Variants in MED12L observed in about 807,000 individuals in gnomAD.
MED12L encodes the protein mediator of RNA polymerase II transcription subunit 12-like protein.
MED12L carries 60 observed loss-of-function variants against 281.3 expected under a neutral mutation model. That is an observed-to-expected ratio of 0.21 (90% confidence interval 0.17 to 0.26). The LOEUF is 0.26. Ranked by LOEUF, MED12L falls within the 10% of genes least tolerant of loss-of-function variation. MED12L has a pLI of 1.00. For missense variants in MED12L, 2,146 were observed against 2,680.9 expected (o/e 0.80, Z 4.41); for synonymous variants, 974 against 987.2 (o/e 0.99, Z 0.25).
intron 16 of MED12L, chr3:151,316,544 A>G (rs1748269103): frequency 6.6e-6 from 1 of 152,218 alleles, no homozygotes; most frequent in African/African-American, 2.4e-5. Context: ...GCTGTGTCTT[A>G]TCAACCACGG....
At position 151,222,165 on chromosome 3, in the gene MED12L, A is replaced by G. The variant is rs190425144; in HGVS notation, c.2250+28499A>G. 1.3e-4 allele frequency among the ~76,000 whole-genome samples: 20 copies of G among 152,296 alleles called. No individual in the cohort carries two copies. The East Asian group carries it at 3.3e-3, about 25-fold the overall frequency. ...CATTTGGAATGACTGCATTTACCCA[A>G]TGCCTGTACTGCATTGTATCTAGGA... On this transcript the variant is annotated intron_variant, in intron 16 of 44. Transcript: ENST00000687756.
intron 16 of MED12L, among the ~76,000 whole-genome samples, chr3:151,323,017 G>T (rs527854917): frequency 3.3e-5 from 5 of 152,282 alleles, no homozygotes; most frequent in African/African-American, 9.6e-5. Context: ...CTTCTGTGAT[G>T]ATGACCTAGC....
chr3:151,190,032 C>T (rs138755081), intron 13 of MED12L, among the ~76,000 whole-genome samples: 4 of 152,210 alleles, frequency 2.6e-5, no homozygotes, highest in African/African-American at 9.6e-5. Flanking sequence ...ATTGCACAGA[C>T]CCACTCAAGC....
intron 42 of MED12L, among the ~76,000 whole-genome samples, chr3:151,415,223 T>G (rs1167117917): frequency 6.6e-6 from 1 of 152,222 alleles, no homozygotes; most frequent in East Asian, 1.9e-4. Context: ...TTCTGGTAAT[T>G]TTTTCATCAT....
At chr3:151,149,521 A>C (rs1718178158) in intron 5 of MED12L, among the ~76,000 whole-genome samples, 1 of 152,120 alleles carries the variant, frequency 6.6e-6, no homozygotes, top group South Asian at 2.1e-4. Context: ...TGGCTAGCAG[A>C]AGGTCTTGCC....
At position 151,188,610 on chromosome 3, in the gene MED12L, C is replaced by A. The variant is rs553839186; in HGVS notation, c.1753+130C>A. On this transcript the variant is annotated intron_variant, in intron 13 of 44. Coordinates refer to ENST00000687756, the MANE Select transcript of MED12L (RefSeq NM_001393769.1). The stretch of plus-strand genomic sequence containing the variant: ...TGAATATAATGTATGTTTTACTGAG[C>A]AAAATTTTGTGGCATGTTTTTTCAT... 2,224 of 876,456 alleles carry A rather than the reference C, an allele frequency of 2.5e-3. 9 individuals carry two copies. The highest frequency in any genetic ancestry group is 7.2e-3 in the South Asian group (273 of 37,748). 54.3% of individuals were successfully genotyped at this position (876,456 alleles called of 1,614,324 possible). A position where few individuals can be genotyped will look rare whatever the true frequency, so the allele number is the denominator to read the frequency against.
chr3:151,274,886 A>G (rs891762909), intron 16 of MED12L, among the ~76,000 whole-genome samples: 1 of 152,180 alleles, frequency 6.6e-6, no homozygotes, highest in East Asian at 1.9e-4. Context: ...CCTCATTGTA[A>G]GGAATCAGTG....
intron 27 of MED12L, among the ~76,000 whole-genome samples, chr3:151,374,992 G>A (rs1040900595): frequency 2.6e-5 from 4 of 152,070 alleles, no homozygotes; most frequent in African/African-American, 4.8e-5. Context: ...GTGTCATACC[G>A]ACTGGGTCAT....
chr3:151,204,021 G>C (rs1726020332), intron 16 of MED12L, among the ~76,000 whole-genome samples: 1 of 152,194 alleles, frequency 6.6e-6, no homozygotes, highest in Non-Finnish European at 1.5e-5. Context: ...TGTTCATTGT[G>C]TCTGTGGCAG....
At chr3:151,156,995 T>G (rs1363950207) in intron 6 of MED12L, among the ~76,000 whole-genome samples, 1 of 152,238 alleles carries the variant, frequency 6.6e-6, no homozygotes, top group Admixed American at 6.5e-5. Flanking sequence ...ATAATTTTCA[T>G]GCTCCTCTTC....
chr3:151,128,276 T>C (rs1714838725), intron 5 of MED12L, among the ~76,000 whole-genome samples: 1 of 152,242 alleles, frequency 6.6e-6, no homozygotes, highest in African/African-American at 2.4e-5. Flanking sequence ...CTTAACTGGT[T>C]GGAGTCACAG....
chr3:151,393,239 G>T (rs1174373458), intron 38 of MED12L, among the ~76,000 whole-genome samples: 3 of 152,200 alleles, frequency 2.0e-5, no homozygotes, highest in African/African-American at 7.2e-5. Context: ...AAAGGGGAAA[G>T]AGTAGGCAGT....
At chr3:151,091,967 C>G (rs1199806092) in intron 2 of MED12L, among the ~76,000 whole-genome samples, 1 of 151,824 alleles carries the variant, frequency 6.6e-6, no homozygotes, top group Non-Finnish European at 1.5e-5. Context: ...ACAGGCAGCA[C>G]TCAACACAGG....
intron 36 of MED12L, among the ~76,000 whole-genome samples, chr3:151,386,737 G>T (rs972017148): frequency 6.6e-6 from 1 of 152,002 alleles, no homozygotes; most frequent in Non-Finnish European, 1.5e-5. Context: ...CATCATGCCT[G>T]GCTAATTTTT....
At chr3:151,250,163 T>C (rs1205660407) in intron 16 of MED12L, among the ~76,000 whole-genome samples, 1 of 152,196 alleles carries the variant, frequency 6.6e-6, no homozygotes, top group Non-Finnish European at 1.5e-5. Context: ...CCACTCTGCC[T>C]TCTGTCCTCA....
intron 16 of MED12L, among the ~76,000 whole-genome samples, chr3:151,342,223 A>T (rs990984668): frequency 7.9e-5 from 12 of 152,140 alleles, no homozygotes; most frequent in African/African-American, 2.9e-4. Flanking sequence ...ATTTCTCCAC[A>T]TCCTCTCCAA....
chr3:151,340,362 A>G (rs1751656944), intron 16 of MED12L, among the ~76,000 whole-genome samples: 1 of 152,194 alleles, frequency 6.6e-6, no homozygotes, highest in Non-Finnish European at 1.5e-5. Context: ...AACTAAGACC[A>G]TTTATATTTT....
chr3:151,295,584 A>G (rs34152392), intron 16 of MED12L, among the ~76,000 whole-genome samples: 1 of 152,238 alleles, frequency 6.6e-6, no homozygotes, highest in Non-Finnish European at 1.5e-5. Flanking sequence ...ACAAGAAAAT[A>G]CAATAGCCAA....
In MED12L at chr3:151,185,429, C is replaced by T. The variant is rs1723142021; in HGVS notation, c.1594C>T (p.Leu532=). ...CAGGGCCATGGCTGTGGCAAAACTC[C>T]TGGAGAAGAGGCAAGCAGAAATTGA... ...KHRAMAVAKL[L]EKRQAEIEAE... is the part of the protein sequence containing the mutation. Residue 532 remains leucine, a synonymous_variant, in exon 12 of 45, where the codon CTG becomes TTG. Coordinates refer to ENST00000687756, the MANE Select transcript of MED12L (RefSeq NM_001393769.1). The T allele has an allele frequency of 3.1e-6, 5 of 1,613,792 alleles. No individual in the cohort carries two copies. Among genetic ancestry groups the T allele is most frequent in the Admixed American group, 1.7e-5 (1 of 59,986 alleles).
Sources: allele counts gnomAD v4.1 joint callset (sites outside exome capture counted in the v4.1 genomes callset), GRCh38; gene constraint gnomAD v4.1.1; transcripts MANE v1.5; gene names NCBI Gene and HGNC (gene_info 2026-07-23, HGNC 2026-07-21).